The following AGAP1 variants were observed in gnomAD, a reference collection of about 807,000 sequenced individuals.
AGAP1 encodes the protein ArfGAP with GTPase domain, ankyrin repeat and PH domain 1.
Under a neutral mutation model 105.3 loss-of-function variants are expected in AGAP1, and 29 were observed. The ratio of observed to expected loss-of-function variants is 0.28; its 90% CI spans 0.21 to 0.38. AGAP1 has a LOEUF of 0.38. Among genes scored for constraint, AGAP1 ranks in the 10% least tolerant of loss-of-function variants. The pLI is 1.00. For synonymous variants in AGAP1, 509 were observed against 485.9 expected, an observed-to-expected ratio of 1.05 and a Z score of -0.63; for missense variants, 998 against 1,165.1, an observed-to-expected ratio of 0.86 and a Z score of 2.09.
intron 9 of AGAP1, among the ~76,000 whole-genome samples, chr2:235,815,970 G>A (rs763081891): frequency 2.0e-5 from 3 of 152,168 alleles, no homozygotes; most frequent in Non-Finnish European, 4.4e-5. Flanking sequence ...CCTCAGGGCC[G>A]CGGGTAAATG....
intron 1 of AGAP1, among the ~76,000 whole-genome samples, chr2:235,538,587 A>G (rs1196469691): frequency 6.6e-6 from 1 of 152,010 alleles, no homozygotes; most frequent in African/African-American, 2.4e-5. Context: ...TGTTGCAGGC[A>G]TGGAGCAAAT....
chr2:235,750,565 A>C lies in AGAP1; in HGVS notation c.673+77A>C. 1 of 1,595,908 alleles carries C rather than the reference A, an allele frequency of 6.3e-7. No homozygotes were observed. Among genetic ancestry groups the C allele is most frequent in the Non-Finnish European group, 8.6e-7 (1 of 1,165,844 alleles). ...ACTTCAAGAAGTCAGTCCTGCCTGCACTTGTGCATGTGGGTGGTGGAAATA... is the reference window on the plus strand; with the variant it reads ...ACTTCAAGAAGTCAGTCCTGCCTGCCCTTGTGCATGTGGGTGGTGGAAATA... On this transcript the variant is annotated intron_variant, in intron 6 of 17. Coordinates refer to ENST00000304032, the MANE Select transcript of AGAP1 (RefSeq NM_001037131.3). This position sits in a 1 kb window ranked among gnomAD's most constrained non-coding sequence, Gnocchi z 5.3.
In AGAP1 at chr2:236,046,603, A is replaced by G. The variant is rs1273382088; in HGVS notation, c.1892-2456A>G. On this transcript the variant is annotated intron_variant, in intron 15 of 17. Transcript: ENST00000304032. The surrounding 1 kb of genome is among the most constrained non-coding windows in gnomAD (Gnocchi z 5.2). ...GGATGTTGACTAGGAGATTCTCCCA[A>G]CTGAAATGTACGTGGTCGTTGCGTA... 3.3e-5 allele frequency among the ~76,000 whole-genome samples: 5 copies of G among 152,166 alleles called. No homozygotes were observed. Among genetic ancestry groups the G allele is most frequent in the African/African-American group, 9.7e-5 (4 of 41,450 alleles).
intron 1 of AGAP1, among the ~76,000 whole-genome samples, chr2:235,602,762 T>TGC (rs1336078812): frequency 1.3e-5 from 2 of 152,146 alleles, no homozygotes; most frequent in Non-Finnish European, 2.9e-5. Flanking sequence ...AGTGCAGTGG[T>TGC]GCGATCTTGG....
At chr2:235,514,153 T>TGCGC (rs71400768) in intron 1 of AGAP1, among the ~76,000 whole-genome samples, 8 of 138,640 alleles carry the variant, frequency 5.8e-5, no homozygotes, top group African/African-American at 2.1e-4. Context: ...TGCATGCGCG[T>TGCGC]GCGCGCGCGC....
Position 235,750,891 on chromosome 2 carries a change from T to C in AGAP1, c.673+403T>C, listed in dbSNP as rs977013351. 2.0e-5 allele frequency among the ~76,000 whole-genome samples: 3 copies of C among 152,096 alleles called. No individual in the cohort carries two copies. Among genetic ancestry groups the C allele is most frequent in the African/African-American group, 7.2e-5 (3 of 41,384 alleles). On this transcript the variant is annotated intron_variant, in intron 6 of 17. Coordinates refer to ENST00000304032, the MANE Select transcript of AGAP1 (RefSeq NM_001037131.3). The surrounding 1 kb of genome is among the most constrained non-coding windows in gnomAD (Gnocchi z 5.3). ...AGTTTAAATATTTGATATTAGGCTT[T>C]GAGAAGAGAACTGAAAGGAGGAGAG...
At chr2:235,683,954 G>C (rs1949239255) in intron 1 of AGAP1, among the ~76,000 whole-genome samples, 1 of 151,768 alleles carries the variant, frequency 6.6e-6, no homozygotes, top group Non-Finnish European at 1.5e-5. Context: ...GGTGTGTTTG[G>C]TTTTCTGTCC....
At position 235,863,649 on chromosome 2, in the gene AGAP1, C is replaced by A. The variant is rs541333314; in HGVS notation, c.1051-19696C>A. Among the ~76,000 whole-genome samples, 6 of 152,270 alleles carry A rather than the reference C, an allele frequency of 3.9e-5. No individual in the cohort carries two copies. In the South Asian group the frequency reaches 1.0e-3, roughly 26 times the overall value. ...GTGGGCCTCCTGGGCCCGAGGTCAT[C>A]GAAGGCCCCGGTGGGGAGAGCACAT... is the stretch of plus-strand genomic sequence containing the variant. On this transcript the variant is annotated intron_variant, in intron 9 of 17. Transcript: ENST00000304032.
chr2:235,903,976 C>T (rs1359199949), intron 10 of AGAP1, among the ~76,000 whole-genome samples: 1 of 151,908 alleles, frequency 6.6e-6, no homozygotes, highest in Non-Finnish European at 1.5e-5. Context: ...CCACAGAAGG[C>T]GGGCGCCACG....
At chr2:235,684,461 A>G (rs1192428470) in intron 1 of AGAP1, among the ~76,000 whole-genome samples, 2 of 152,188 alleles carry the variant, frequency 1.3e-5, no homozygotes, top group Non-Finnish European at 2.9e-5. Flanking sequence ...TCCCATTTAC[A>G]CATTAATTCC....
At position 235,621,911 on chromosome 2, in the gene AGAP1, C is replaced by A. The variant is rs1034752146; in HGVS notation, c.164-87268C>A. Among the ~76,000 whole-genome samples, 1 of 151,934 alleles carries A rather than the reference C, an allele frequency of 6.6e-6. No homozygotes were observed. Among genetic ancestry groups the A allele is most frequent in the East Asian group, 1.9e-4 (1 of 5,174 alleles). ...GGGAGTGCCGCGCAGACCCCCCCAC[C>A]CCCTCAGAACAGCGGCCACTGTGTG... On this transcript the variant is annotated intron_variant, in intron 1 of 17. Coordinates refer to ENST00000304032, the MANE Select transcript of AGAP1 (RefSeq NM_001037131.3). The surrounding 1 kb of genome is among the most constrained non-coding windows in gnomAD (Gnocchi z 4.1).
chr2:236,089,335 A>G lies in AGAP1; in HGVS notation c.2115-30857A>G, dbSNP rs1213805487. On this transcript the variant is annotated intron_variant, in intron 16 of 17. Coordinates refer to ENST00000304032, the MANE Select transcript of AGAP1 (RefSeq NM_001037131.3). This position sits in a 1 kb window ranked among gnomAD's most constrained non-coding sequence, Gnocchi z 5.6. ...TGCTACATATTCCTTGCTCTTCCGT[A>G]AAGGACACATGTGTCTCTGTGCCTC... 6.6e-6 allele frequency among the ~76,000 whole-genome samples: 1 copy of G among 152,242 alleles called. No individual in the cohort carries two copies. The highest frequency in any genetic ancestry group is 1.5e-5 in the Non-Finnish European group (1 of 68,040).
At chr2:235,735,387 T>C (rs554709423) in intron 3 of AGAP1, among the ~76,000 whole-genome samples, 3 of 152,348 alleles carry the variant, frequency 2.0e-5, no homozygotes, top group East Asian at 1.9e-4. Context: ...CCTCTCCGAC[T>C]TGTCTCTGTG....
rs536511092 is a variant in AGAP1, at chr2:236,119,887, G to A, written c.2115-305G>A. On this transcript the variant is annotated intron_variant, in intron 16 of 17. Transcript: ENST00000304032. This position sits in a 1 kb window ranked among gnomAD's most constrained non-coding sequence, Gnocchi z 6.6. ...GGCAGTGTATGAGCCTGAGATCAGC[G>A]GCTCTCACACCTTGGGCCTATTGGA... 3.3e-5 allele frequency among the ~76,000 whole-genome samples: 5 copies of A among 152,248 alleles called. No individual in the cohort carries two copies. The highest frequency in any genetic ancestry group is 1.9e-4 in the East Asian group (1 of 5,172).
chr2:235,704,560 C>A (rs1488507146), intron 1 of AGAP1, among the ~76,000 whole-genome samples: 1 of 152,208 alleles, frequency 6.6e-6, no homozygotes, highest in African/African-American at 2.4e-5. Context: ...GCAGGAGAAT[C>A]TCTTGAACTC....
At chr2:235,956,827 G>A (rs2053972006) in intron 12 of AGAP1, among the ~76,000 whole-genome samples, 1 of 152,220 alleles carries the variant, frequency 6.6e-6, no homozygotes, top group South Asian at 2.1e-4. Context: ...TCAGCTCATG[G>A]CCCAAGTCTC....
chr2:235,606,450 T>C (rs911966624), intron 1 of AGAP1, among the ~76,000 whole-genome samples: 5 of 152,222 alleles, frequency 3.3e-5, no homozygotes, highest in Non-Finnish European at 1.5e-5. Context: ...CAAGAACTAC[T>C]TCTGTGAAAG....
In AGAP1 at chr2:235,792,935, A is replaced by C. The variant is rs1957066074; in HGVS notation, c.674-4824A>C. 6.6e-6 allele frequency among the ~76,000 whole-genome samples: 1 copy of C among 152,112 alleles called. No individual in the cohort carries two copies. Among genetic ancestry groups the C allele is most frequent in the Admixed American group, 6.5e-5 (1 of 15,278 alleles). ...ATTCGCGAGGAGGTTGCCCAGGCAG[A>C]GGGCATGGGAAAAAGGACACCAGGA... On this transcript the variant is annotated intron_variant, in intron 6 of 17. Transcript: ENST00000304032. This position sits in a 1 kb window ranked among gnomAD's most constrained non-coding sequence, Gnocchi z 5.3.
At chr2:235,811,999 A>G (rs13388161) in intron 9 of AGAP1, among the ~76,000 whole-genome samples, 43,392 of 151,888 alleles carry the variant, frequency 0.29, 6,479 homozygotes, top group Admixed American at 0.42. Flanking sequence ...CATGCTGGGG[A>G]TCCTTTTCTT....
Sources: allele counts gnomAD v4.1 joint callset (sites outside exome capture counted in the v4.1 genomes callset), GRCh38; gene constraint gnomAD v4.1.1; non-coding constraint Gnocchi (gnomAD v3.1); transcripts MANE v1.5; gene names NCBI Gene and HGNC (gene_info 2026-07-23, HGNC 2026-07-21).